The following KALRN variants were observed in gnomAD, a reference collection of about 807,000 sequenced individuals.
The protein encoded by KALRN is kalirin.
Under a neutral mutation model 353.7 loss-of-function variants are expected in KALRN, and 70 were observed. The ratio of observed to expected loss-of-function variants is 0.20; its 90% confidence interval spans 0.16 to 0.24. The LOEUF is 0.24. Ranked by LOEUF, KALRN falls within the 10% of genes least tolerant of loss-of-function variation. The pLI is 1.00. For missense variants in KALRN, 2,791 were observed against 3,756.7 expected (o/e 0.74, Z 6.72); for synonymous variants, 1,391 against 1,434.8 (o/e 0.97, Z 0.69).
At chr3:124,086,341 G>GTA (rs1305263174) in intron 1 of KALRN, among the ~76,000 whole-genome samples, 3 of 136,498 alleles carry the variant, frequency 2.2e-5, no homozygotes, top group Non-Finnish European at 4.7e-5. Context: ...GTGTGTGTGT[G>GTA]TGTGTGTGTG....
At chr3:124,179,386 C>T (rs1055169340) in intron 1 of KALRN, among the ~76,000 whole-genome samples, 1 of 152,180 alleles carries the variant, frequency 6.6e-6, no homozygotes, top group Non-Finnish European at 1.5e-5. Flanking sequence ...CACATCTTGT[C>T]TCACTGGAAG....
rs761063341 is a variant in KALRN at position 124,671,912 on chromosome 3, C to G, written c.6942+14C>G. The stretch of plus-strand genomic sequence containing the variant: ...GAAGCCAGCAAGGTAAGTGACAACT[C>G]ATTACTCCCACCCTTGTCACTACGA... On this transcript the variant is annotated intron_variant, in intron 48 of 59. Transcript: ENST00000682506. The G allele has an allele frequency of 2.6e-6, 4 of 1,553,600 alleles. No individual in the cohort carries two copies. Among genetic ancestry groups the G allele is most frequent in the East Asian group, 4.5e-5 (2 of 44,554 alleles).
intron 37 of KALRN, among the ~76,000 whole-genome samples, chr3:124,644,478 C>A (rs866040084): frequency 1.3e-5 from 2 of 151,996 alleles, no homozygotes; most frequent in African/African-American, 4.8e-5. Context: ...CTTCCCCTAG[C>A]CCCCAACCCC....
intron 33 of KALRN, among the ~76,000 whole-genome samples, chr3:124,513,592 A>G (rs1273782891): frequency 6.6e-6 from 1 of 152,206 alleles, no homozygotes; most frequent in African/African-American, 2.4e-5. Context: ...TGGTAAAGAA[A>G]CTATTTCTAA....
intron 2 of KALRN, among the ~76,000 whole-genome samples, chr3:124,233,242 C>T (rs1255705890): frequency 6.6e-6 from 1 of 152,146 alleles, no homozygotes; most frequent in Non-Finnish European, 1.5e-5. Context: ...AGTGACAATG[C>T]TTGGGGTGAG....
chr3:124,712,001 A>G (rs530986302), intron 57 of KALRN, among the ~76,000 whole-genome samples: 55 of 152,338 alleles, frequency 3.6e-4, no homozygotes, highest in African/African-American at 1.3e-3. Flanking sequence ...CTAAGCTATG[A>G]GGACACAAAG....
chr3:124,475,407 G>A (rs1376995672), intron 26 of KALRN, among the ~76,000 whole-genome samples: 1 of 152,128 alleles, frequency 6.6e-6, no homozygotes, highest in African/African-American at 2.4e-5. Context: ...GTCTTCATTG[G>A]CTCTCTACTC....
chr3:124,289,003 A>G (rs1665664485), intron 5 of KALRN, among the ~76,000 whole-genome samples: 1 of 152,216 alleles, frequency 6.6e-6, no homozygotes, highest in African/African-American at 2.4e-5. Context: ...TAATTTATAG[A>G]GAAAGATTTA....
chr3:124,627,030 G>A (rs619460), intron 34 of KALRN, among the ~76,000 whole-genome samples: 101,677 of 152,138 alleles, frequency 0.67, 34,326 homozygotes, highest in East Asian at 0.8. Context: ...CTGTCACTTA[G>A]CTGTTTTATC....
At chr3:124,056,248 A>T (rs1559881339) in intron 1 of KALRN, among the ~76,000 whole-genome samples, 1 of 149,100 alleles carries the variant, frequency 6.7e-6, no homozygotes, top group African/African-American at 2.5e-5. Context: ...GTTTGTGTTT[A>T]TTTTTTTTTT....
At chr3:124,590,323 T>C (rs1265727752) in intron 34 of KALRN, among the ~76,000 whole-genome samples, 1 of 152,180 alleles carries the variant, frequency 6.6e-6, no homozygotes, top group Non-Finnish European at 1.5e-5. Context: ...CCTCCTGTGG[T>C]ACAGCTGCAT....
At chr3:124,423,448 AG>A (rs2092874853) in intron 15 of KALRN, among the ~76,000 whole-genome samples, 2 of 152,370 alleles carry the variant, frequency 1.3e-5, no homozygotes, top group East Asian at 3.9e-4. Flanking sequence ...ATTATAGGAA[AG>A]TTTTCTTGCC....
At chr3:124,326,603 A>C (rs1229134589) in intron 7 of KALRN, among the ~76,000 whole-genome samples, 1 of 152,216 alleles carries the variant, frequency 6.6e-6, no homozygotes, top group Non-Finnish European at 1.5e-5. Context: ...ATATAACAAT[A>C]ATATAATGGG....
chr3:124,571,769 G>T (rs188539126), intron 34 of KALRN, among the ~76,000 whole-genome samples: 195 of 151,676 alleles, frequency 1.3e-3, no homozygotes, highest in African/African-American at 4.4e-3. Flanking sequence ...TGGGACCACA[G>T]GTGCTTGCCA....
At chr3:124,647,572 A>G (rs1254611777) in intron 37 of KALRN, among the ~76,000 whole-genome samples, 1 of 152,182 alleles carries the variant, frequency 6.6e-6, no homozygotes, top group African/African-American at 2.4e-5. Flanking sequence ...CCATAGAGCC[A>G]CCTGCTCCTT....
At chr3:124,437,471 C>T (rs1050375370) in intron 17 of KALRN, among the ~76,000 whole-genome samples, 6 of 152,292 alleles carry the variant, frequency 3.9e-5, no homozygotes, top group Admixed American at 3.3e-4. Context: ...AGGTGGATCA[C>T]TTGAGGTCAG....
chr3:124,215,635 A>G (rs1257884170), intron 1 of KALRN, among the ~76,000 whole-genome samples: 1 of 152,208 alleles, frequency 6.6e-6, no homozygotes, highest in African/African-American at 2.4e-5. Flanking sequence ...ATGAAGGAAC[A>G]GAGACCCAGA....
At chr3:124,227,428 G>A (rs2078648547) in intron 1 of KALRN, among the ~76,000 whole-genome samples, 1 of 152,104 alleles carries the variant, frequency 6.6e-6, no homozygotes, top group Non-Finnish European at 1.5e-5. Flanking sequence ...TCCATCTGTA[G>A]GAGTTTTGTG....
At chr3:124,223,506 A>G (rs6789224) in intron 1 of KALRN, among the ~76,000 whole-genome samples, 17,932 of 152,188 alleles carry the variant, frequency 0.12, 1,799 homozygotes, top group East Asian at 0.55. Flanking sequence ...GAACACTTAC[A>G]TAGTAACTTC....
Sources: gnomAD v4.1 joint callset for allele counts (sites outside exome capture counted in the v4.1 genomes callset) on GRCh38, gnomAD v4.1.1 for gene constraint, MANE v1.5 for transcripts, NCBI Gene and HGNC (gene_info 2026-07-23, HGNC 2026-07-21) for gene names.